STIM2: variants seen among roughly 807,000 people sequenced by gnomAD.
STIM2 encodes the protein stromal interaction molecule 2.
Under a neutral mutation model 85.8 loss-of-function variants are expected in STIM2, and 31 were observed. The ratio of observed to expected loss-of-function variants is 0.36; its 90% confidence interval spans 0.27 to 0.49. The LOEUF (loss-of-function observed/expected upper bound fraction) is 0.49. Ranked by LOEUF, STIM2 falls within the 20% of genes least tolerant of loss-of-function variation. STIM2 has a pLI of 0.98. For missense variants in STIM2, 841 were observed against 927.6 expected, an observed-to-expected ratio of 0.91 and a Z score of 1.21; for synonymous variants, 356 against 331.1, an observed-to-expected ratio of 1.08 and a Z score of -0.82.
intron 1 of STIM2, among the ~76,000 whole-genome samples, chr4:26,910,822 G>T (rs1292524281): frequency 6.6e-6 from 1 of 152,188 alleles, no homozygotes; most frequent in East Asian, 1.9e-4. Flanking sequence ...CTTGGTGGTG[G>T]TGTGGTGGGG....
chr4:26,950,594 A>G (rs1398981270), intron 2 of STIM2, among the ~76,000 whole-genome samples: 1 of 152,144 alleles, frequency 6.6e-6, no homozygotes, highest in Non-Finnish European at 1.5e-5. Context: ...ATTAGGATGT[A>G]GTAACAAGGC....
intron 3 of STIM2, 49 bp from the exon 4 acceptor site, chr4:26,995,330 C>CTGAA (rs773974495): frequency 2.1e-6 from 2 of 955,928 alleles, no homozygotes; most frequent in South Asian, 3.7e-5. Flanking sequence ...ATATGTATTT[C>CTGAA]TGAAAGCAGG....
At chr4:26,902,334 T>G (rs1723954599) in intron 1 of STIM2, among the ~76,000 whole-genome samples, 1 of 152,174 alleles carries the variant, frequency 6.6e-6, no homozygotes, top group African/African-American at 2.4e-5. Context: ...TCAGAAATAG[T>G]AAGAGCCAAA....
chr4:27,005,375 A>C (rs1728297602), intron 7 of STIM2, among the ~76,000 whole-genome samples: 1 of 152,226 alleles, frequency 6.6e-6, no homozygotes, highest in African/African-American at 2.4e-5. Flanking sequence ...TACGTGAGAC[A>C]ATAAGCCTTA....
chr4:27,011,196 A>G (rs1170509764), intron 10 of STIM2, among the ~76,000 whole-genome samples: 1 of 152,230 alleles, frequency 6.6e-6, no homozygotes, highest in African/African-American at 2.4e-5. Context: ...AACATTATAT[A>G]CAATGGTTGC....
At chr4:26,956,291 T>G (rs184641679) in intron 2 of STIM2, among the ~76,000 whole-genome samples, 1 of 152,144 alleles carries the variant, frequency 6.6e-6, no homozygotes, top group East Asian at 1.9e-4. Flanking sequence ...GAGCAAAGTA[T>G]CAAGAGATAA....
In STIM2 at chr4:27,023,161, T is replaced by C; in HGVS notation, c.*165T>C. On this transcript the variant is annotated 3_prime_UTR_variant, in exon 12 of 12. Coordinates refer to ENST00000467087, the MANE Select transcript of STIM2 (RefSeq NM_020860.4). ...CATCCAGAAGGGCAACTGTCTACTG[T>C]CTGCTTATTTAAGTGACTATATATA... 1 of 663,208 alleles carries C rather than the reference T, an allele frequency of 1.5e-6. No individual in the cohort carries two copies. The highest frequency in any genetic ancestry group is 2.6e-6 in the Non-Finnish European group (1 of 381,262). 41.1% of individuals were successfully genotyped at this position (663,208 alleles called of 1,614,324 possible). A position where few individuals can be genotyped will look rare whatever the true frequency, so the allele number is the denominator to read the frequency against.
chr4:26,907,864 C>T (rs750876170), intron 1 of STIM2, among the ~76,000 whole-genome samples: 1 of 152,220 alleles, frequency 6.6e-6, no homozygotes, highest in Admixed American at 6.5e-5. Flanking sequence ...GGTCTGGCCT[C>T]ATTTCCCTTG....
chr4:26,908,101 A>G lies in STIM2; in HGVS notation c.152-11403A>G, dbSNP rs551934202. Among the ~76,000 whole-genome samples, 7 of 152,358 alleles carry G rather than the reference A, an allele frequency of 4.6e-5. No homozygotes were observed. The East Asian group carries it at 1.3e-3, about 29-fold the overall frequency. ...TGTTCAAAAAAAATCCAGTAAACAC[A>G]TAGCAACACTTACGTCTCAAATGAA... On this transcript the variant is annotated intron_variant, in intron 1 of 11. Coordinates refer to ENST00000467087, the MANE Select transcript of STIM2 (RefSeq NM_020860.4).
chr4:26,908,803 A>T (rs1724225365), intron 1 of STIM2, among the ~76,000 whole-genome samples: 1 of 152,134 alleles, frequency 6.6e-6, no homozygotes, highest in Non-Finnish European at 1.5e-5. Flanking sequence ...GTTTTATATA[A>T]TACAGTAAAT....
chr4:26,974,367 A>G (rs9995206), intron 3 of STIM2, among the ~76,000 whole-genome samples: 59,541 of 152,024 alleles, frequency 0.39, 12,015 homozygotes, highest in East Asian at 0.63. Context: ...TGCAGTGGCT[A>G]GTACCGGTTT....
intron 1 of STIM2, among the ~76,000 whole-genome samples, chr4:26,914,145 T>G (rs1257997568): frequency 2.0e-5 from 3 of 152,254 alleles, no homozygotes; most frequent in Non-Finnish European, 4.4e-5. Flanking sequence ...ATTGTCACTT[T>G]AGGATAATCT....
intron 3 of STIM2, among the ~76,000 whole-genome samples, chr4:26,981,891 G>A (rs1027766849): frequency 1.3e-5 from 2 of 151,180 alleles, no homozygotes; most frequent in African/African-American, 4.9e-5. Context: ...TGTTATCTTT[G>A]TCATTTGATG....
chr4:26,964,326 A>G (rs1726625012), intron 3 of STIM2, among the ~76,000 whole-genome samples: 2 of 152,190 alleles, frequency 1.3e-5, no homozygotes, highest in African/African-American at 4.8e-5. Context: ...ATCTATTAGC[A>G]ATATTTACTG....
At chr4:26,947,944 A>T (rs1424424620) in intron 2 of STIM2, among the ~76,000 whole-genome samples, 1 of 152,214 alleles carries the variant, frequency 6.6e-6, no homozygotes, top group African/African-American at 2.4e-5. Context: ...ATATACAGGG[A>T]TCTTTCTTTA....
intron 2 of STIM2, among the ~76,000 whole-genome samples, chr4:26,945,806 ATAAAT>A (rs1725815782): frequency 1.3e-5 from 2 of 151,232 alleles, no homozygotes; most frequent in Non-Finnish European, 3.0e-5. Context: ...TTTTTTTCTC[ATAAAT>A]TTAAGTTGTA....
chr4:26,960,516 T>C (rs1726410973), intron 3 of STIM2, among the ~76,000 whole-genome samples: 1 of 152,228 alleles, frequency 6.6e-6, no homozygotes, highest in Non-Finnish European at 1.5e-5. Flanking sequence ...AAATATTCAC[T>C]TTGATATTCA....
chr4:26,883,182 C>T (rs1402160183), intron 1 of STIM2, among the ~76,000 whole-genome samples: 2 of 150,312 alleles, frequency 1.3e-5, no homozygotes, highest in African/African-American at 4.9e-5. Flanking sequence ...GACTGATGAT[C>T]AGAGAAGCCT....
chr4:27,012,922 G>A (rs180875436), intron 10 of STIM2, among the ~76,000 whole-genome samples: 9 of 151,988 alleles, frequency 5.9e-5, no homozygotes, highest in South Asian at 2.1e-4. Flanking sequence ...GTGATCATTC[G>A]TTTTTTATTC....
Sources: allele counts gnomAD v4.1 joint callset (sites outside exome capture counted in the v4.1 genomes callset), GRCh38; gene constraint gnomAD v4.1.1; transcripts MANE v1.5; gene names NCBI Gene and HGNC (gene_info 2026-07-23, HGNC 2026-07-21).